Variants in KCNB2 observed in about 807,000 individuals in gnomAD.
KCNB2 encodes the protein potassium voltage-gated channel subfamily B member 2, also known as delayed rectifier potassium channel protein.
A neutral mutation model predicts 61.5 loss-of-function variants in KCNB2; 15 were observed. The observed-to-expected ratio is 0.24, with a 90% confidence interval of 0.16 to 0.38. KCNB2 has a LOEUF of 0.38. Among genes scored for constraint, KCNB2 ranks in the 10% least tolerant of loss-of-function variants. The pLI is 1.00. For missense variants in KCNB2, 828 were observed against 1,125.2 expected, an observed-to-expected ratio of 0.74 and a Z score of 3.78; for synonymous variants, 457 against 446.0, an observed-to-expected ratio of 1.02 and a Z score of -0.31.
chr8:72,638,210 T>A (rs1223762884), intron 2 of KCNB2, among the ~76,000 whole-genome samples: 1 of 152,150 alleles, frequency 6.6e-6, no homozygotes, highest in Admixed American at 6.6e-5. Flanking sequence ...CTATGACCTT[T>A]GAAATGGGTC....
intron 2 of KCNB2, among the ~76,000 whole-genome samples, chr8:72,685,245 A>T (rs1275376319): frequency 6.6e-6 from 1 of 152,076 alleles, no homozygotes; most frequent in Non-Finnish European, 1.5e-5. Context: ...GGGAAACATC[A>T]CTCTTAAAAT....
chr8:72,601,435 T>C (rs1019226254), intron 2 of KCNB2, among the ~76,000 whole-genome samples: 2 of 152,218 alleles, frequency 1.3e-5, no homozygotes, highest in African/African-American at 2.4e-5. Flanking sequence ...CATCTGAGTT[T>C]AGAAAAGGAG....
At chr8:72,545,074 C>T (rs2128976722) in intron 1 of KCNB2, among the ~76,000 whole-genome samples, 1 of 152,262 alleles carries the variant, frequency 6.6e-6, no homozygotes, top group East Asian at 1.9e-4. Flanking sequence ...CTATATTCTG[C>T]TCTCTGGCTA....
intron 2 of KCNB2, among the ~76,000 whole-genome samples, chr8:72,686,226 T>C (rs1806850927): frequency 6.6e-6 from 1 of 152,348 alleles, no homozygotes; most frequent in Non-Finnish European, 1.5e-5. Flanking sequence ...AGACATACTC[T>C]ATCCCTTTGA....
In KCNB2 at chr8:72,706,556, A is replaced by T. The variant is rs186823619; in HGVS notation, c.579+138243A>T. Among the ~76,000 whole-genome samples the T allele has an allele frequency of 2.5e-3, 378 of 152,308 alleles. 3 individuals carry two copies. Among genetic ancestry groups the T allele is most frequent in the African/African-American group, 8.3e-3 (344 of 41,566 alleles). ...CATGGTGCCAGGTTTTTCCTCATGC[A>T]TATAGGCACAGGGATTTATAGCTTT... On this transcript the variant is annotated intron_variant, in intron 2 of 2. Transcript: ENST00000523207.
rs557860198 is a variant in KCNB2 at position 72,936,375 on chromosome 8, G to A, written c.1020G>A (p.Leu340=). The A allele has an allele frequency of 3.7e-6, 6 of 1,614,216 alleles. No homozygotes were observed. The East Asian group carries it at 1.3e-4, about 36-fold the overall frequency. Reference sequence around the variant, plus strand: ...ACAATGAATTGGGCTTGTTGATATTGTTTCTGGCCATGGGGATAATGATAT... The same window carrying A: ...ACAATGAATTGGGCTTGTTGATATTATTTCTGGCCATGGGGATAATGATAT... ...RSYNELGLLI[L]FLAMGIMIFS... Residue 340 remains leucine (L), a synonymous_variant, in exon 3 of 3, where the codon TTG becomes TTA. Transcript: ENST00000523207. This position sits in a 1 kb window ranked among gnomAD's most constrained non-coding sequence, Gnocchi z 5.6.
intron 2 of KCNB2, among the ~76,000 whole-genome samples, chr8:72,900,703 C>T (rs1056061514): frequency 6.6e-6 from 1 of 152,208 alleles, no homozygotes; most frequent in Admixed American, 6.5e-5. Flanking sequence ...ACAGGCACTT[C>T]TCAAAAGAAG....
chr8:72,818,587 G>A (rs1809443330), intron 2 of KCNB2, among the ~76,000 whole-genome samples: 2 of 152,122 alleles, frequency 1.3e-5, no homozygotes, highest in South Asian at 4.1e-4. Flanking sequence ...AGGTAATAAT[G>A]ATGTAAATCT....
chr8:72,813,189 A>G (rs1809333474), intron 2 of KCNB2, among the ~76,000 whole-genome samples: 1 of 152,200 alleles, frequency 6.6e-6, no homozygotes, highest in Non-Finnish European at 1.5e-5. Flanking sequence ...GAATGGTTTC[A>G]TAAAGAGAGT....
chr8:72,926,105 T>C (rs569243508), intron 2 of KCNB2, among the ~76,000 whole-genome samples: 15 of 151,732 alleles, frequency 9.9e-5, no homozygotes, highest in Non-Finnish European at 2.1e-4. Context: ...GGGCTGGGGG[T>C]TGGGGGAGGG....
At chr8:72,619,582 G>T (rs1805682781) in intron 2 of KCNB2, among the ~76,000 whole-genome samples, 1 of 151,010 alleles carries the variant, frequency 6.6e-6, no homozygotes, top group South Asian at 2.1e-4. Flanking sequence ...CTCCTCCTGG[G>T]GCTCCATAGC....
chr8:72,923,189 A>G (rs956275364), intron 2 of KCNB2, among the ~76,000 whole-genome samples: 1 of 152,110 alleles, frequency 6.6e-6, no homozygotes, highest in African/African-American at 2.4e-5. Flanking sequence ...TGAAGCCTTC[A>G]GGTAGAAGGC....
chr8:72,920,477 A>ATC (rs1563424693), intron 2 of KCNB2, among the ~76,000 whole-genome samples: 482 of 37,720 alleles, frequency 0.013, 33 homozygotes, highest in African/African-American at 0.038. Context: ...ATCTATCTAT[A>ATC]TATATATATA....
At chr8:72,851,526 A>T (rs1810107632) in intron 2 of KCNB2, among the ~76,000 whole-genome samples, 1 of 152,134 alleles carries the variant, frequency 6.6e-6, no homozygotes, top group Non-Finnish European at 1.5e-5. Context: ...CTCCTCCAAA[A>T]ACTAAATGCA....
chr8:72,764,081 A>T (rs1808425812), intron 2 of KCNB2, among the ~76,000 whole-genome samples: 2 of 152,118 alleles, frequency 1.3e-5, no homozygotes, highest in Admixed American at 1.3e-4. Context: ...AACCACTGAG[A>T]TCCTGGAATA....
chr8:72,646,187 T>C (rs1251420849), intron 2 of KCNB2, among the ~76,000 whole-genome samples: 1 of 152,000 alleles, frequency 6.6e-6, no homozygotes, highest in Non-Finnish European at 1.5e-5. Context: ...AAATACTATA[T>C]ATACTTAAAT....
chr8:72,763,276 G>A (rs1418908228), intron 2 of KCNB2, among the ~76,000 whole-genome samples: 1 of 151,750 alleles, frequency 6.6e-6, no homozygotes, highest in Non-Finnish European at 1.5e-5. Context: ...AGATTCCTAG[G>A]CCCAACTGAC....
chr8:72,814,823 A>G (rs192674425), intron 2 of KCNB2, among the ~76,000 whole-genome samples: 1 of 152,332 alleles, frequency 6.6e-6, no homozygotes, highest in Admixed American at 6.5e-5. Flanking sequence ...GTGTAATAAT[A>G]ATTGCTTTGA....
At chr8:72,638,752 G>A (rs530530972) in intron 2 of KCNB2, among the ~76,000 whole-genome samples, 48 of 152,222 alleles carry the variant, frequency 3.2e-4, no homozygotes, top group African/African-American at 1.1e-3. Context: ...TTTTATGGTT[G>A]AAGAAACTAT....
Sources: allele counts gnomAD v4.1 joint callset (sites outside exome capture counted in the v4.1 genomes callset), GRCh38; gene constraint gnomAD v4.1.1; non-coding constraint Gnocchi (gnomAD v3.1); transcripts MANE v1.5; gene names NCBI Gene and HGNC (gene_info 2026-07-23, HGNC 2026-07-21).